Variants in ACER3 observed in about 807,000 individuals in gnomAD.
ACER3 encodes the protein alkCDase 3.
Under a neutral mutation model 48.9 loss-of-function variants are expected in ACER3, and 16 were observed. The ratio of observed to expected loss-of-function variants is 0.33; its 90% CI spans 0.22 to 0.50. The LOEUF (loss-of-function observed/expected upper bound fraction) is 0.50. ACER3 is among the 20% of genes least tolerant of loss of function. ACER3 has a pLI of 0.98. For synonymous variants in ACER3, 109 were observed against 107.8 expected (o/e 1.01, Z -0.07); for missense variants, 227 against 326.0 (o/e 0.70, Z 2.34).
rs117448177 is a variant in ACER3, at chr11:76,988,643, G to A, written c.403-1896G>A. On this transcript the variant is annotated intron_variant, in intron 5 of 10. Transcript: ENST00000532485. The stretch of plus-strand genomic sequence containing the variant: ...CCCTTCCCCAACACATAGGGATTAC[G>A]ATTCAGATTACAATTCAAGATGAGA... 1.5e-4 allele frequency among the ~76,000 whole-genome samples: 23 copies of A among 152,278 alleles called. No homozygotes were observed. In the East Asian group the frequency reaches 1.5e-3, roughly 10 times the overall value.
At chr11:76,936,036 C>T (rs1947172108) in intron 2 of ACER3, among the ~76,000 whole-genome samples, 1 of 152,168 alleles carries the variant, frequency 6.6e-6, no homozygotes, top group Non-Finnish European at 1.5e-5. Flanking sequence ...TGTTTTCATG[C>T]TGCTGATAAA....
At chr11:76,989,208 ACAT>A (rs1224570243) in intron 5 of ACER3, among the ~76,000 whole-genome samples, 2 of 151,486 alleles carry the variant, frequency 1.3e-5, no homozygotes, top group African/African-American at 2.4e-5. Flanking sequence ...TATCTCATAC[ACAT>A]CATACTTTTA....
intron 6 of ACER3, among the ~76,000 whole-genome samples, chr11:76,997,935 A>G (rs558178842): frequency 6.6e-6 from 1 of 152,350 alleles, no homozygotes. Context: ...GTAGATGACT[A>G]GTTTAAGTTA....
chr11:76,958,801 C>G (rs1013143804), intron 2 of ACER3, 178 bp from the exon 3 acceptor site: 1 of 631,716 alleles, frequency 1.6e-6, no homozygotes, highest in Non-Finnish European at 2.7e-6. Context: ...TACTTCTTTT[C>G]TACACCAAAA....
intron 2 of ACER3, among the ~76,000 whole-genome samples, chr11:76,954,348 T>C (rs1947774402): frequency 1.3e-5 from 2 of 152,248 alleles, no homozygotes; most frequent in African/African-American, 4.8e-5. Flanking sequence ...CTCTTTTAGT[T>C]CTTCAAATGC....
chr11:76,912,791 C>A (rs1396144027), intron 1 of ACER3, among the ~76,000 whole-genome samples: 2 of 152,168 alleles, frequency 1.3e-5, no homozygotes, highest in East Asian at 3.9e-4. Context: ...TATTTAATGA[C>A]AATAAATCAT....
intron 7 of ACER3, among the ~76,000 whole-genome samples, chr11:77,003,693 T>G (rs1555020333): frequency 6.6e-6 from 1 of 152,210 alleles, no homozygotes; most frequent in African/African-American, 2.4e-5. Flanking sequence ...GCTATAAATT[T>G]TCCTCTCAGC....
chr11:76,959,278 C>T (rs1233611760), intron 3 of ACER3: 3 of 1,300,130 alleles, frequency 2.3e-6, no homozygotes, highest in South Asian at 1.5e-5. Flanking sequence ...AAATTGAGAG[C>T]AGCATTAGAG....
chr11:76,908,745 T>C (rs1048999485), intron 1 of ACER3, among the ~76,000 whole-genome samples: 16 of 152,192 alleles, frequency 1.1e-4, no homozygotes, highest in Non-Finnish European at 2.2e-4. Context: ...CTATTGACTT[T>C]CTTCACAGAA....
chr11:76,911,818 C>T (rs73507857), intron 1 of ACER3, among the ~76,000 whole-genome samples: 4,033 of 152,130 alleles, frequency 0.027, 175 homozygotes, highest in African/African-American at 0.092. Flanking sequence ...TCTGATTTTC[C>T]AGACAAAGAA....
At chr11:76,919,373 G>A (rs10899312) in intron 1 of ACER3, among the ~76,000 whole-genome samples, 2 of 151,970 alleles carry the variant, frequency 1.3e-5, no homozygotes, top group African/African-American at 4.8e-5. Context: ...CCCAAACTTT[G>A]TTTCTCATAT....
intron 2 of ACER3, 33 bp downstream of exon 2, chr11:76,926,700 A>C (rs769415596): frequency 2.9e-6 from 4 of 1,389,742 alleles, no homozygotes; most frequent in South Asian, 1.3e-5. Flanking sequence ...AGAAATGTAC[A>C]GTATTCAAAT....
In ACER3 at chr11:76,911,201, T is replaced by G. The variant is rs184499931; in HGVS notation, c.104-15356T>G. Among the ~76,000 whole-genome samples the G allele has an allele frequency of 1.4e-4, 22 of 152,240 alleles. No individual in the cohort carries two copies. In the East Asian group the frequency reaches 4.2e-3, roughly 29 times the overall value. On this transcript the variant is annotated intron_variant, in intron 1 of 10. Transcript: ENST00000532485. ...CCTGAGGGCTGCTGGTTGGCTATTT[T>G]TATGGTTATTTATTAATTATATGCT...
chr11:76,868,287 A>C, intron 1 of ACER3: 1 of 1,276,484 alleles, frequency 7.8e-7, no homozygotes, highest in Non-Finnish European at 1.0e-6. Flanking sequence ...ACTGCCTCCA[A>C]ATTATAACTC....
intron 3 of ACER3, chr11:76,959,345 ATTC>A: frequency 1.4e-6 from 1 of 716,588 alleles, no homozygotes; most frequent in Non-Finnish European, 2.0e-6. Flanking sequence ...AGAACAATAT[ATTC>A]TTATTCTGAG....
chr11:76,922,896 C>G (rs894786845), intron 1 of ACER3, among the ~76,000 whole-genome samples: 4 of 152,110 alleles, frequency 2.6e-5, no homozygotes, highest in African/African-American at 9.7e-5. Context: ...TTAATAGGCT[C>G]AGCATATTTT....
intron 2 of ACER3, among the ~76,000 whole-genome samples, chr11:76,930,821 T>C (rs1946978888): frequency 6.6e-6 from 1 of 152,140 alleles, no homozygotes; most frequent in African/African-American, 2.4e-5. Context: ...TGCACTGTGG[T>C]CTGAGAGACA....
At chr11:76,983,368 G>C (rs1948625195) in intron 4 of ACER3, among the ~76,000 whole-genome samples, 1 of 152,008 alleles carries the variant, frequency 6.6e-6, no homozygotes, top group African/African-American at 2.4e-5. Context: ...CCAGGCTGGA[G>C]GGCATTGGCA....
At chr11:76,888,914 A>C (rs1390157972) in intron 1 of ACER3, among the ~76,000 whole-genome samples, 5 of 152,224 alleles carry the variant, frequency 3.3e-5, no homozygotes. Context: ...CACTTTAGAT[A>C]TCTGTGTTTC....
Sources: gnomAD v4.1 joint callset for allele counts (sites outside exome capture counted in the v4.1 genomes callset) on GRCh38, gnomAD v4.1.1 for gene constraint, MANE v1.5 for transcripts, NCBI Gene and HGNC (gene_info 2026-07-23, HGNC 2026-07-21) for gene names.